TMEM132B: variants seen among roughly 807,000 people sequenced by gnomAD.
TMEM132B encodes transmembrane protein 132B.
In TMEM132B, 18 loss-of-function variants were observed where a neutral mutation model predicts 90.8. That is an observed-to-expected ratio of 0.20 (90% CI 0.14 to 0.29). The LOEUF (loss-of-function observed/expected upper bound fraction) is 0.29. Among genes scored for constraint, TMEM132B ranks in the 10% least tolerant of loss-of-function variants. The pLI is 1.00. For synonymous variants in TMEM132B, 504 were observed against 523.3 expected, an observed-to-expected ratio of 0.96 and a Z score of 0.50; for missense variants, 1,096 against 1,326.8, an observed-to-expected ratio of 0.83 and a Z score of 2.70.
intron 4 of TMEM132B, among the ~76,000 whole-genome samples, chr12:125,570,121 G>T (rs1438714368): frequency 2.0e-5 from 3 of 152,162 alleles, no homozygotes; most frequent in Admixed American, 6.5e-5. Context: ...CGGGCAGTAT[G>T]CGAGCCAATG....
In TMEM132B at chr12:125,251,486, G is replaced by A. The variant is rs535568594; in HGVS notation, c.67+64620G>A. Among the ~76,000 whole-genome samples the A allele has an allele frequency of 4.5e-4, 68 of 152,316 alleles. 1 individual carries two copies. The South Asian group carries it at 0.012, about 26-fold the overall frequency. On this transcript the variant is annotated intron_variant, in intron 1 of 8. Coordinates refer to ENST00000682704, the MANE Select transcript of TMEM132B (RefSeq NM_001366854.1). This position sits in a 1 kb window ranked among gnomAD's most constrained non-coding sequence, Gnocchi z 4.4. ...CAGGGCTCACACAGGAAATGTATGA[G>A]AGGGAAGAAGTCTGGGTTTAAGAAA...
At chr12:125,393,988 T>G (rs926712421) in intron 2 of TMEM132B, among the ~76,000 whole-genome samples, 12 of 152,194 alleles carry the variant, frequency 7.9e-5, no homozygotes, top group African/African-American at 2.9e-4. Context: ...GCTTTCAGCC[T>G]CTAATGGTAC....
intron 3 of TMEM132B, among the ~76,000 whole-genome samples, chr12:125,473,407 C>T (rs1881773501): frequency 6.6e-6 from 1 of 152,110 alleles, no homozygotes; most frequent in Non-Finnish European, 1.5e-5. Context: ...AAGTTTGTCT[C>T]CCCAGTTATT....
intron 1 of TMEM132B, among the ~76,000 whole-genome samples, chr12:125,254,761 G>A (rs1260513321): frequency 6.8e-6 from 1 of 147,626 alleles, no homozygotes; most frequent in Non-Finnish European, 1.5e-5. Flanking sequence ...TCAGCTCACT[G>A]CAACCTCCGC....
At chr12:125,238,593 T>C (rs1010523752) in intron 1 of TMEM132B, among the ~76,000 whole-genome samples, 2 of 152,232 alleles carry the variant, frequency 1.3e-5, no homozygotes, top group Non-Finnish European at 1.5e-5. Context: ...GCTTCTGTTT[T>C]CTGGGCTCAA....
In TMEM132B at chr12:125,201,533, C is replaced by T. The variant is rs376208632; in HGVS notation, c.67+14667C>T. Among the ~76,000 whole-genome samples, 13 of 152,320 alleles carry T rather than the reference C, an allele frequency of 8.5e-5. No homozygotes were observed. In the South Asian group the frequency reaches 2.7e-3, roughly 32 times the overall value. On this transcript the variant is annotated intron_variant, in intron 1 of 8. Coordinates refer to ENST00000682704, the MANE Select transcript of TMEM132B (RefSeq NM_001366854.1). ...ACTGCTTCGTTATATACTGTTTGCC[C>T]CTCTGCTAGCTGCTTATGCTTGCTA...
intron 1 of TMEM132B, among the ~76,000 whole-genome samples, chr12:125,200,005 G>A (rs1425986439): frequency 6.6e-6 from 1 of 152,176 alleles, no homozygotes; most frequent in Non-Finnish European, 1.5e-5. Flanking sequence ...CATGGAAGAA[G>A]GAAAGAATGG....
chr12:125,636,277 C>A (rs1886476528), intron 5 of TMEM132B, among the ~76,000 whole-genome samples: 3 of 152,172 alleles, frequency 2.0e-5, no homozygotes, highest in South Asian at 4.1e-4. Flanking sequence ...CTCAGTGCAC[C>A]ATCGGCTTGA....
At chr12:125,496,529 C>T (rs974016829) in intron 3 of TMEM132B, among the ~76,000 whole-genome samples, 8 of 152,040 alleles carry the variant, frequency 5.3e-5, no homozygotes, top group African/African-American at 1.7e-4. Context: ...GTTGTTGTTG[C>T]AAGCAGTAGA....
At chr12:125,581,616 GA>G (rs1327678484) in intron 4 of TMEM132B, among the ~76,000 whole-genome samples, 3 of 151,142 alleles carry the variant, frequency 2.0e-5, no homozygotes, top group South Asian at 2.1e-4. Flanking sequence ...GATACAGAGA[GA>G]AAAAAAATGA....
rs7978629 is a variant in TMEM132B, at chr12:125,459,793, T to G, written c.1106+44116T>G. Among the ~76,000 whole-genome samples, 599 of 152,332 alleles carry G rather than the reference T, an allele frequency of 3.9e-3. 5 individuals are homozygous for G. Among genetic ancestry groups the G allele is most frequent in the African/African-American group, 0.013 (551 of 41,580 alleles). Reference sequence around the variant, plus strand: ...TGTAGCTCCCATAATTCCCATGTGTTATGGGAGGGACCTGGTGGGAGATAA... The same window carrying G: ...TGTAGCTCCCATAATTCCCATGTGTGATGGGAGGGACCTGGTGGGAGATAA... On this transcript the variant is annotated intron_variant, in intron 3 of 8. Transcript: ENST00000682704. The surrounding 1 kb of genome is among the most constrained non-coding windows in gnomAD (Gnocchi z 4.1).
At chr12:125,478,665 G>A (rs1440902331) in intron 3 of TMEM132B, among the ~76,000 whole-genome samples, 2 of 152,178 alleles carry the variant, frequency 1.3e-5, no homozygotes, top group African/African-American at 4.8e-5. Flanking sequence ...AGGGAGAATG[G>A]AACCAAGCTG....
chr12:125,193,283 A>G (rs780852597), intron 1 of TMEM132B, among the ~76,000 whole-genome samples: 2 of 152,130 alleles, frequency 1.3e-5, no homozygotes, highest in Admixed American at 6.5e-5. Context: ...ACTCAAGATA[A>G]GTCAATCCAT....
intron 2 of TMEM132B, among the ~76,000 whole-genome samples, chr12:125,405,106 C>A (rs147907407): frequency 7.1e-4 from 108 of 152,322 alleles, no homozygotes; most frequent in African/African-American, 2.5e-3. Context: ...TGGCCACAAA[C>A]GCGATAGTGT....
intron 5 of TMEM132B, among the ~76,000 whole-genome samples, chr12:125,627,374 T>G (rs1886258420): frequency 6.6e-6 from 1 of 152,122 alleles, no homozygotes; most frequent in Admixed American, 6.5e-5. Context: ...CATTTAAAGA[T>G]GGACATTTTG....
chr12:125,451,395 GAGAC>G (rs1414811384), intron 3 of TMEM132B, among the ~76,000 whole-genome samples: 6 of 152,146 alleles, frequency 3.9e-5, no homozygotes, highest in African/African-American at 1.4e-4. Flanking sequence ...GGGAGAGAGA[GAGAC>G]AGAGAATGAA....
rs374661552 is a variant in TMEM132B at position 125,450,426 on chromosome 12, C to CT, written c.1106+34750dup. On this transcript the variant is annotated intron_variant, in intron 3 of 8. Coordinates refer to ENST00000682704, the MANE Select transcript of TMEM132B (RefSeq NM_001366854.1). Reference sequence around the variant, plus strand: ...CACCAAAATAGGCACAGTAATGAATCTAAACTATTGAAAATATAGGAATTC... The same window carrying CT: ...CACCAAAATAGGCACAGTAATGAATCTTAAACTATTGAAAATATAGGAATTC... Among the ~76,000 whole-genome samples, 300 of 152,186 alleles carry CT rather than the reference C, an allele frequency of 2.0e-3. 3 individuals carry two copies. The highest frequency in any genetic ancestry group is 6.7e-3 in the African/African-American group (278 of 41,546).
intron 3 of TMEM132B, among the ~76,000 whole-genome samples, chr12:125,474,742 C>T (rs1881824849): frequency 6.6e-6 from 1 of 152,194 alleles, no homozygotes; most frequent in African/African-American, 2.4e-5. Context: ...GGGCTTTAGG[C>T]ACAGCTGGAT....
intron 1 of TMEM132B, among the ~76,000 whole-genome samples, chr12:125,317,737 T>C (rs1480668577): frequency 6.6e-6 from 1 of 152,096 alleles, no homozygotes; most frequent in Non-Finnish European, 1.5e-5. Context: ...GGGTGGCCAG[T>C]GTGACTTTGA....
Sources: allele counts gnomAD v4.1 joint callset (sites outside exome capture counted in the v4.1 genomes callset), GRCh38; gene constraint gnomAD v4.1.1; non-coding constraint Gnocchi (gnomAD v3.1); transcripts MANE v1.5; gene names NCBI Gene and HGNC (gene_info 2026-07-23, HGNC 2026-07-21).